FRK: variants seen among roughly 807,000 people sequenced by gnomAD.
FRK encodes fyn related Src family tyrosine kinase, also known as tyrosine-protein kinase FRK.
FRK carries 51 observed loss-of-function variants against 56.4 expected under a neutral mutation model. That is an observed-to-expected ratio of 0.90 (90% CI 0.72 to 1.14). The LOEUF (loss-of-function observed/expected upper bound fraction) is 1.14, where lower values mean the gene tolerates loss of function less well. Among genes scored for constraint, FRK ranks in the 50% most tolerant of loss-of-function variants. The pLI is 0.00. For synonymous variants in FRK, 245 were observed against 217.9 expected (o/e 1.12, Z -1.10); for missense variants, 570 against 601.4 (o/e 0.95, Z 0.55).
At chr6:116,082,770 T>C in the FRK span, among the ~76,000 whole-genome samples, 60 of 152,290 alleles carry the variant, frequency 3.9e-4, no homozygotes, top group East Asian at 0.011. Context: ...CAAATGGAGA[T>C]GTCAAGTGGA....
At chr6:115,975,652 A>G (rs1773965390) in intron 2 of FRK, among the ~76,000 whole-genome samples, 1 of 152,182 alleles carries the variant, frequency 6.6e-6, no homozygotes, top group African/African-American at 2.4e-5. Context: ...TTTGTGAAAT[A>G]CTATGAGTTC....
At chr6:115,989,749 C>A (rs988770774) in intron 2 of FRK, among the ~76,000 whole-genome samples, 6 of 151,868 alleles carry the variant, frequency 4.0e-5, no homozygotes, top group Non-Finnish European at 7.4e-5. Context: ...AATAAACATA[C>A]AGGTGCAGGT....
At chr6:115,960,456 C>T (rs7743420) in intron 4 of FRK, among the ~76,000 whole-genome samples, 14,994 of 149,822 alleles carry the variant, frequency 0.1, 887 homozygotes, top group African/African-American at 0.14. Context: ...AAGGCGGCAG[C>T]GAGGCTGGGG....
chr6:115,952,854 T>C (rs1293616050), intron 5 of FRK, among the ~76,000 whole-genome samples: 1 of 140,884 alleles, frequency 7.1e-6, no homozygotes, highest in African/African-American at 2.7e-5. Context: ...TTCTTACTCA[T>C]AGGTGGGAAT....
At chr6:116,033,183 T>C (rs1249128747) in intron 1 of FRK, among the ~76,000 whole-genome samples, 1 of 150,628 alleles carries the variant, frequency 6.6e-6, no homozygotes, top group African/African-American at 2.4e-5. Flanking sequence ...CCAGGCAGGA[T>C]GAAACATCAG....
chr6:115,987,696 G>C (rs1314608822), intron 2 of FRK, among the ~76,000 whole-genome samples: 3 of 152,042 alleles, frequency 2.0e-5, no homozygotes, highest in African/African-American at 7.2e-5. Context: ...TGCAGGAACT[G>C]TATCGCTTGC....
At chr6:116,039,598 G>GC (rs1397109261) in intron 1 of FRK, 11 of 783,512 alleles carry the variant, frequency 1.4e-5, no homozygotes, top group African/African-American at 8.4e-5. Context: ...GGTGTCATCT[G>GC]CCCCCTCTTG....
chr6:116,018,402 A>G (rs958716346), intron 1 of FRK, among the ~76,000 whole-genome samples: 1 of 152,192 alleles, frequency 6.6e-6, no homozygotes, highest in African/African-American at 2.4e-5. Context: ...CATTATCCAT[A>G]GCAGATGGTA....
At chr6:115,982,317 C>T (rs1318815998) in intron 2 of FRK, among the ~76,000 whole-genome samples, 1 of 152,128 alleles carries the variant, frequency 6.6e-6, no homozygotes, top group Admixed American at 6.6e-5. Context: ...ATAATTATAC[C>T]ATTGCCAGCC....
At chr6:116,036,113 A>C (rs1436659100) in intron 1 of FRK, among the ~76,000 whole-genome samples, 1 of 152,098 alleles carries the variant, frequency 6.6e-6, no homozygotes, top group Admixed American at 6.6e-5. Flanking sequence ...CACTTTTTTT[A>C]AAAATAAGTT....
intron 2 of FRK, among the ~76,000 whole-genome samples, chr6:115,995,802 T>C (rs1050072349): frequency 6.6e-6 from 1 of 152,176 alleles, no homozygotes; most frequent in African/African-American, 2.4e-5. Flanking sequence ...TTTAACTTTA[T>C]AGAGTATTTA....
chr6:116,056,231 TCGAGATAGGG>T, intron 1 of FRK, among the ~76,000 whole-genome samples: 1 of 150,968 alleles, frequency 6.6e-6, no homozygotes, highest in Non-Finnish European at 1.5e-5. Context: ...TGGTGGGGAT[TCGAGATAGGG>T]TCTGGCTCTG....
At chr6:116,009,342 C>A (rs1375568372) in intron 1 of FRK, among the ~76,000 whole-genome samples, 1 of 152,196 alleles carries the variant, frequency 6.6e-6, no homozygotes, top group Admixed American at 6.5e-5. Context: ...TTCATACCTA[C>A]CAAATCATAA....
At chr6:116,002,917 G>A (rs1341641805) in intron 2 of FRK, among the ~76,000 whole-genome samples, 4 of 152,168 alleles carry the variant, frequency 2.6e-5, no homozygotes, top group Admixed American at 2.6e-4. Context: ...CCAGAGTTCA[G>A]GTCAGATCAA....
chr6:115,975,156 A>T (rs902307713), intron 2 of FRK, among the ~76,000 whole-genome samples: 1 of 152,194 alleles, frequency 6.6e-6, no homozygotes, highest in African/African-American at 2.4e-5. Context: ...AAATAAAAAA[A>T]ACCAACCTCA....
chr6:115,942,241 C>A lies in FRK; in HGVS notation c.*173G>T, dbSNP rs1465741328. On this transcript the variant is annotated 3_prime_UTR_variant, in exon 8 of 8. Coordinates refer to ENST00000606080, the MANE Select transcript of FRK (RefSeq NM_002031.3). ...TCACCTTGACTGTCCTGCAGTGTTG[C>A]CCAGTCAATAAAATGCACAAATAAT... The A allele has an allele frequency of 1.7e-6, 1 of 589,524 alleles. No homozygotes were observed. The highest frequency in any genetic ancestry group is 3.0e-6 in the Non-Finnish European group (1 of 333,574). The allele number at this position is 589,524 out of a possible 1,614,324, so 36.5% of individuals were successfully genotyped here.
intron 2 of FRK, among the ~76,000 whole-genome samples, chr6:115,974,996 A>G (rs1773941098): frequency 6.6e-6 from 1 of 152,150 alleles, no homozygotes; most frequent in Admixed American, 6.6e-5. Context: ...TAATATAAAC[A>G]TCTACTAAAT....
intron 1 of FRK, among the ~76,000 whole-genome samples, chr6:116,018,888 C>A (rs1243760298): frequency 3.3e-5 from 5 of 152,016 alleles, no homozygotes; most frequent in African/African-American, 9.7e-5. Flanking sequence ...TTTGAAGAGA[C>A]CTGCTGTTGG....
At chr6:116,067,129 A>G in the FRK span, among the ~76,000 whole-genome samples, 1 of 152,110 alleles carries the variant, frequency 6.6e-6, no homozygotes. Context: ...ACACCAAGCA[A>G]AGATACACAG....
Sources: gnomAD v4.1 joint callset for allele counts (sites outside exome capture counted in the v4.1 genomes callset) on GRCh38, gnomAD v4.1.1 for gene constraint, MANE v1.5 for transcripts, NCBI Gene and HGNC (gene_info 2026-07-23, HGNC 2026-07-21) for gene names.